MKLN1: variants seen among roughly 807,000 people sequenced by gnomAD.
The protein encoded by MKLN1 is muskelin 1, also known as muskelin.
In MKLN1, 18 loss-of-function variants were observed where a neutral mutation model predicts 99.0. The observed-to-expected ratio is 0.18, with a 90% CI of 0.13 to 0.27. The LOEUF (loss-of-function observed/expected upper bound fraction) is 0.27. MKLN1 is among the 10% of genes least tolerant of loss of function. The pLI is 1.00. For missense variants in MKLN1, 621 were observed against 875.9 expected (o/e 0.71, Z 3.67); for synonymous variants, 288 against 293.2 (o/e 0.98, Z 0.18).
intron 3 of MKLN1, among the ~76,000 whole-genome samples, chr7:131,293,755 A>G (rs566341321): frequency 1.3e-5 from 2 of 152,342 alleles, no homozygotes; most frequent in Non-Finnish European, 2.9e-5. Context: ...GCAGTGAACT[A>G]TGATCACGCC....
At chr7:131,387,398 T>C in intron 3 of MKLN1, 136 bp downstream of exon 3, 1 of 666,792 alleles carries the variant, frequency 1.5e-6, no homozygotes, top group Non-Finnish European at 2.3e-6. Context: ...CCTAATGCCT[T>C]AGTTTAATAC....
chr7:131,398,776 T>C (rs1794437717), intron 5 of MKLN1, among the ~76,000 whole-genome samples: 1 of 152,220 alleles, frequency 6.6e-6, no homozygotes, highest in African/African-American at 2.4e-5. Context: ...TTGAAATATC[T>C]GTATACTTGA....
At chr7:131,414,283 GGA>G in intron 7 of MKLN1, among the ~76,000 whole-genome samples, 1 of 152,082 alleles carries the variant, frequency 6.6e-6, no homozygotes, top group East Asian at 1.9e-4. Flanking sequence ...AATATATACG[GGA>G]GATCTAATTT....
At chr7:131,419,072 G>A (rs940157478) in intron 8 of MKLN1, among the ~76,000 whole-genome samples, 4 of 151,782 alleles carry the variant, frequency 2.6e-5, no homozygotes, top group African/African-American at 4.8e-5. Context: ...TATTGCTGTC[G>A]ATTTTTTGTT....
intron 3 of MKLN1, among the ~76,000 whole-genome samples, chr7:131,238,187 G>A (rs1033107968): frequency 1.3e-5 from 2 of 152,042 alleles, no homozygotes; most frequent in African/African-American, 4.8e-5. Context: ...TCTTGAAGAA[G>A]GCTCAGACTC....
chr7:131,170,250 A>G (rs925517538), intron 2 of MKLN1, among the ~76,000 whole-genome samples: 1 of 152,220 alleles, frequency 6.6e-6, no homozygotes, highest in African/African-American at 2.4e-5. Context: ...TTAATGCTCA[A>G]AATTCTATAA....
intron 1 of MKLN1, among the ~76,000 whole-genome samples, chr7:131,351,623 G>C (rs1799722446): frequency 6.6e-6 from 1 of 151,904 alleles, no homozygotes; most frequent in Non-Finnish European, 1.5e-5. Context: ...CACCATGCCT[G>C]GCTCATTTTT....
At chr7:131,363,578 ATG>A (rs2116810020) in intron 1 of MKLN1, among the ~76,000 whole-genome samples, 1 of 152,064 alleles carries the variant, frequency 6.6e-6, no homozygotes, top group East Asian at 1.9e-4. Context: ...CCTGAGAAGG[ATG>A]TGTTATCTAA....
intron 1 of MKLN1, among the ~76,000 whole-genome samples, chr7:131,122,532 C>G (rs529309105): frequency 3.9e-4 from 60 of 152,308 alleles, no homozygotes; most frequent in Non-Finnish European, 8.2e-4. Context: ...GACTCCACCA[C>G]ATCACCCTGA....
intron 1 of MKLN1, among the ~76,000 whole-genome samples, chr7:131,113,667 C>CAAAAA (rs71168363): frequency 3.1e-5 from 3 of 96,502 alleles, no homozygotes; most frequent in Non-Finnish European, 6.9e-5. Context: ...TACAAAAATA[C>CAAAAA]AAAAAAAAAA....
chr7:131,399,479 G>A, intron 6 of MKLN1, 46 bp downstream of exon 6: 2 of 1,516,334 alleles, frequency 1.3e-6, no homozygotes, highest in Non-Finnish European at 1.8e-6. Context: ...AGTACATACG[G>A]GAAACTTTTT....
chr7:131,481,812 GCAAAAA>G (rs1797128395), intron 17 of MKLN1, among the ~76,000 whole-genome samples: 1 of 71,574 alleles, frequency 1.4e-5, no homozygotes. Flanking sequence ...TCTAAGGTCT[GCAAAAA>G]AAAAAAAAAA....
At chr7:131,118,661 C>T (rs1563220759) in intron 1 of MKLN1, among the ~76,000 whole-genome samples, 1 of 152,096 alleles carries the variant, frequency 6.6e-6, no homozygotes, top group African/African-American at 2.4e-5. Context: ...CAGGAAGCAT[C>T]GCTGGGGAGG....
intron 3 of MKLN1, among the ~76,000 whole-genome samples, chr7:131,287,044 G>C (rs1798141746): frequency 6.6e-6 from 1 of 152,254 alleles, no homozygotes. Context: ...TGAGGCTGCA[G>C]TGAGCCACAA....
At chr7:131,245,660 A>T (rs1797476513) in intron 3 of MKLN1, among the ~76,000 whole-genome samples, 1 of 152,244 alleles carries the variant, frequency 6.6e-6, no homozygotes, top group African/African-American at 2.4e-5. Context: ...AGCTGCCTAC[A>T]GTATTCAGTA....
At chr7:131,400,567 G>GT (rs1449761696) in intron 6 of MKLN1, among the ~76,000 whole-genome samples, 5 of 147,362 alleles carry the variant, frequency 3.4e-5, no homozygotes, top group Non-Finnish European at 6.0e-5. Flanking sequence ...AATTCTGTGG[G>GT]TTTTTTTTAA....
At chr7:131,249,218 A>G (rs936717454) in intron 3 of MKLN1, among the ~76,000 whole-genome samples, 1 of 152,226 alleles carries the variant, frequency 6.6e-6, no homozygotes, top group Non-Finnish European at 1.5e-5. Flanking sequence ...GGGTTCAGCC[A>G]TGAGGTCATT....
chr7:131,139,379 A>G (rs1157248283), intron 1 of MKLN1, among the ~76,000 whole-genome samples: 1 of 148,708 alleles, frequency 6.7e-6, no homozygotes, highest in East Asian at 2.0e-4. Flanking sequence ...TCTGGTGTCC[A>G]TCCATTAGGC....
chr7:131,378,552 G>A (rs529062452), intron 2 of MKLN1, among the ~76,000 whole-genome samples: 20 of 152,308 alleles, frequency 1.3e-4, no homozygotes, highest in African/African-American at 3.6e-4. Flanking sequence ...ATCCACGGCC[G>A]GACGTGGTGG....
Sources: gnomAD v4.1 joint callset for allele counts (sites outside exome capture counted in the v4.1 genomes callset) on GRCh38, gnomAD v4.1.1 for gene constraint, MANE v1.5 for transcripts, NCBI Gene and HGNC (gene_info 2026-07-23, HGNC 2026-07-21) for gene names.